Variants in FTCDNL1 observed in about 807,000 individuals in gnomAD.
FTCDNL1 encodes the protein formiminotransferase cyclodeaminase N-terminal like.
A neutral mutation model predicts 5.9 loss-of-function variants in FTCDNL1; 11 were observed. That is an observed-to-expected ratio of 1.87 (90% CI 1.18 to 3.10). The LOEUF (loss-of-function observed/expected upper bound fraction) is 3.10. Among genes scored for constraint, FTCDNL1 ranks in the 30% most tolerant of loss-of-function variants. The pLI is 0.00. For missense variants in FTCDNL1, 115 were observed against 65.5 expected (o/e 1.76, Z -2.61); for synonymous variants, 58 against 24.8 (o/e 2.34, Z -3.99).
the FTCDNL1 span, among the ~76,000 whole-genome samples, chr2:199,716,033 TAAAAAAAAAAAAA>T: frequency 0.76 from 84,160 of 110,944 alleles, 31,406 homozygotes; most frequent in South Asian, 0.88. Context: ...TGCCTCTAGT[TAAAAAAAAAAAAA>T]AAAAAAAAAA....
chr2:199,821,022 A>G (rs1317776456), intron 3 of FTCDNL1, among the ~76,000 whole-genome samples: 1 of 152,180 alleles, frequency 6.6e-6, no homozygotes, highest in Admixed American at 6.5e-5. Context: ...TTCAGGGTGT[A>G]TTATTTGTTT....
chr2:199,728,188 A>C, the FTCDNL1 span, among the ~76,000 whole-genome samples: 1 of 152,228 alleles, frequency 6.6e-6, no homozygotes, highest in African/African-American at 2.4e-5. Context: ...ATCTATTAGA[A>C]AGAGTTTTTA....
At chr2:199,695,878 T>C in the FTCDNL1 span, among the ~76,000 whole-genome samples, 113 of 152,334 alleles carry the variant, frequency 7.4e-4, no homozygotes, top group African/African-American at 2.5e-3. Context: ...TTTGCCTTTG[T>C]TGACTGTCAG....
At chr2:199,838,067 T>A (rs1702877550) in intron 3 of FTCDNL1, among the ~76,000 whole-genome samples, 1 of 152,138 alleles carries the variant, frequency 6.6e-6, no homozygotes, top group African/African-American at 2.4e-5. Context: ...CTCATGAAAG[T>A]TTGTGTGTCA....
At chr2:199,739,771 G>A in the FTCDNL1 span, among the ~76,000 whole-genome samples, 1 of 152,204 alleles carries the variant, frequency 6.6e-6, no homozygotes, top group African/African-American at 2.4e-5. Flanking sequence ...AACGCTGCAT[G>A]CTGCCATAAA....
chr2:199,711,438 C>A, the FTCDNL1 span, among the ~76,000 whole-genome samples: 6 of 151,886 alleles, frequency 4.0e-5, no homozygotes, highest in Admixed American at 2.6e-4. Flanking sequence ...ATTAGAAAAA[C>A]ATGTATTAAT....
the FTCDNL1 span, among the ~76,000 whole-genome samples, chr2:199,712,532 G>A: frequency 2.4e-4 from 36 of 152,164 alleles, no homozygotes; most frequent in African/African-American, 8.0e-4. Flanking sequence ...TAAAAAAGGT[G>A]TAATCTCTGA....
intron 3 of FTCDNL1, among the ~76,000 whole-genome samples, chr2:199,775,123 T>C (rs1019855572): frequency 1.3e-5 from 2 of 152,180 alleles, no homozygotes; most frequent in Non-Finnish European, 2.9e-5. Context: ...CAGCAAGTAA[T>C]GCAGCTCCAA....
chr2:199,721,345 C>T, the FTCDNL1 span, among the ~76,000 whole-genome samples: 2 of 152,164 alleles, frequency 1.3e-5, no homozygotes, highest in African/African-American at 4.8e-5. Context: ...TATTCAGCTC[C>T]TACTTATGGT....
intron 3 of FTCDNL1, among the ~76,000 whole-genome samples, chr2:199,828,000 G>A (rs1418759263): frequency 6.6e-6 from 1 of 152,144 alleles, no homozygotes; most frequent in Non-Finnish European, 1.5e-5. Flanking sequence ...ACAATGAAGA[G>A]ACAACCAAGG....
At chr2:199,756,239 G>A (rs2106233055), downstream of FTCDNL1, among the ~76,000 whole-genome samples, 1 of 152,244 alleles carries the variant, frequency 6.6e-6, no homozygotes, top group Non-Finnish European at 1.5e-5. Context: ...TTAAGCTTGT[G>A]AGACATACTT....
chr2:199,735,586 C>A, the FTCDNL1 span, among the ~76,000 whole-genome samples: 2 of 151,938 alleles, frequency 1.3e-5, no homozygotes, highest in Non-Finnish European at 2.9e-5. Flanking sequence ...GAAGCATTTC[C>A]ATCTGTCCTC....
At chr2:199,704,198 T>C in the FTCDNL1 span, among the ~76,000 whole-genome samples, 1 of 152,146 alleles carries the variant, frequency 6.6e-6, no homozygotes. Flanking sequence ...TTCCAACACA[T>C]TCTCCAAAAA....
intron 3 of FTCDNL1, among the ~76,000 whole-genome samples, chr2:199,804,253 T>G (rs1370682033): frequency 6.6e-6 from 1 of 152,212 alleles, no homozygotes; most frequent in Admixed American, 6.5e-5. Flanking sequence ...GGAAACTGAC[T>G]GGCTTCAGAC....
At chr2:199,818,843 T>C (rs1701507970) in intron 4 of FTCDNL1, 1 of 152,148 alleles carries the variant, frequency 6.6e-6, no homozygotes, top group South Asian at 2.1e-4. Flanking sequence ...TGGTTTAATT[T>C]GTGGCCCCAA....
At chr2:199,711,990 A>G in the FTCDNL1 span, among the ~76,000 whole-genome samples, 1 of 152,302 alleles carries the variant, frequency 6.6e-6, no homozygotes, top group South Asian at 2.1e-4. Flanking sequence ...GCCAGACAGT[A>G]AGATGCCCAA....
At chr2:199,760,743 C>T in exon 4 of FTCDNL1, 2 of 701,832 alleles carry the variant, frequency 2.8e-6, no homozygotes, top group Admixed American at 2.0e-5. Flanking sequence ...TGAGTCACCC[C>T]AGATCCATTC....
chr2:199,835,922 A>T (rs1702703227), intron 3 of FTCDNL1, among the ~76,000 whole-genome samples: 1 of 152,216 alleles, frequency 6.6e-6, no homozygotes, highest in East Asian at 1.9e-4. Context: ...TGAATGTTTC[A>T]TGTCTCCCAC....
At chr2:199,751,220 T>G in the FTCDNL1 span, among the ~76,000 whole-genome samples, 1 of 152,260 alleles carries the variant, frequency 6.6e-6, no homozygotes, top group African/African-American at 2.4e-5. Flanking sequence ...GATATTAGGC[T>G]AATGCTGTCA....
Sources: allele counts gnomAD v4.1 joint callset (sites outside exome capture counted in the v4.1 genomes callset), GRCh38; gene constraint gnomAD v4.1.1; transcripts MANE v1.5; gene names NCBI Gene and HGNC (gene_info 2026-07-23, HGNC 2026-07-21).